CDH8: variants seen among roughly 807,000 people sequenced by gnomAD.
The protein encoded by CDH8 is cadherin-8.
In CDH8, 17 loss-of-function variants were observed where a neutral mutation model predicts 68.1. That is an observed-to-expected ratio of 0.25 (90% CI 0.17 to 0.37). CDH8 has a LOEUF of 0.37. CDH8 is among the 10% of genes least tolerant of loss of function. CDH8 has a pLI of 1.00. For synonymous variants in CDH8, 372 were observed against 365.1 expected (o/e 1.02, Z -0.21); for missense variants, 763 against 999.3 (o/e 0.76, Z 3.19).
chr16:62,002,792 G>A (rs747890733), intron 2 of CDH8, among the ~76,000 whole-genome samples: 1 of 152,156 alleles, frequency 6.6e-6, no homozygotes, highest in Non-Finnish European at 1.5e-5. Flanking sequence ...GGTGGCTCAC[G>A]CCTGTAATCC....
intron 2 of CDH8, among the ~76,000 whole-genome samples, chr16:62,003,634 A>G (rs996387858): frequency 1.1e-4 from 17 of 152,206 alleles, no homozygotes; most frequent in South Asian, 2.1e-4. Flanking sequence ...ACAGAAGTCA[A>G]CCTACTGTGT....
At position 61,654,076 on chromosome 16, in the gene CDH8, T is replaced by C. The variant is rs1343197088; in HGVS notation, c.1932A>G (p.Leu644=). 19 of 1,613,798 alleles carry C rather than the reference T, an allele frequency of 1.2e-5. No individual in the cohort carries two copies. Among genetic ancestry groups the C allele is most frequent in the South Asian group, 2.2e-5 (2 of 91,068 alleles). Reference sequence around the variant, plus strand: ...TTAATGGTTCATTTTTATGCCGCCGTAGAGTTACAAACAGCACCACGATGA... The same window carrying C: ...TTAATGGTTCATTTTTATGCCGCCGCAGAGTTACAAACAGCACCACGATGA... ...LLVIVVLFVT[L]RRHKNEPLII... is the part of the protein sequence containing the mutation. The change falls in exon 12 of 12, where the codon CTA becomes CTG. Residue 644 remains leucine, a synonymous_variant. Coordinates refer to ENST00000577390, the MANE Select transcript of CDH8 (RefSeq NM_001796.5).
chr16:61,866,321 C>T (rs538956099), intron 3 of CDH8, among the ~76,000 whole-genome samples: 23 of 152,120 alleles, frequency 1.5e-4, no homozygotes, highest in African/African-American at 5.5e-4. Flanking sequence ...TACTATATGC[C>T]AAGCACCAAC....
At chr16:61,701,740 T>C (rs994733541) in intron 10 of CDH8, among the ~76,000 whole-genome samples, 6 of 152,220 alleles carry the variant, frequency 3.9e-5, no homozygotes, top group African/African-American at 1.4e-4. Flanking sequence ...GCAATTTTTT[T>C]CACCAAAGGG....
intron 10 of CDH8, among the ~76,000 whole-genome samples, chr16:61,669,586 C>G (rs1459818850): frequency 6.6e-6 from 1 of 151,956 alleles, no homozygotes; most frequent in African/African-American, 2.4e-5. Flanking sequence ...AACTTCTTAC[C>G]CAGAAGGAGA....
intron 1 of CDH8, among the ~76,000 whole-genome samples, chr16:62,023,002 TG>T (rs1490697343): frequency 6.6e-6 from 1 of 152,154 alleles, no homozygotes; most frequent in Non-Finnish European, 1.5e-5. Context: ...CAGCTTTCAA[TG>T]GGGAGCCAAT....
chr16:61,748,327 C>T (rs920768767), intron 8 of CDH8, among the ~76,000 whole-genome samples: 1 of 151,968 alleles, frequency 6.6e-6, no homozygotes, highest in Admixed American at 6.6e-5. Context: ...GAGAAAGTGG[C>T]ATGATTATTC....
At chr16:62,033,011 T>G (rs1902364442) in intron 1 of CDH8, among the ~76,000 whole-genome samples, 1 of 152,204 alleles carries the variant, frequency 6.6e-6, no homozygotes, top group Admixed American at 6.5e-5. Context: ...AGAGGTACAA[T>G]TTCTTGAATA....
At chr16:61,709,690 G>A (rs3924750) in intron 10 of CDH8, among the ~76,000 whole-genome samples, 27,306 of 151,720 alleles carry the variant, frequency 0.18, 2,800 homozygotes, top group Middle Eastern at 0.25. Context: ...CCATTGTGTG[G>A]AGAAACCTGA....
chr16:61,905,302 C>G (rs930027625), intron 2 of CDH8, among the ~76,000 whole-genome samples: 1 of 152,120 alleles, frequency 6.6e-6, no homozygotes, highest in African/African-American at 2.4e-5. Context: ...TAGGGAGACA[C>G]AGACAAAGTC....
chr16:61,833,815 T>A (rs1344791486), intron 4 of CDH8, among the ~76,000 whole-genome samples: 1 of 151,908 alleles, frequency 6.6e-6, no homozygotes, highest in Non-Finnish European at 1.5e-5. Context: ...AGCTCTGATG[T>A]CTCAGCTGCC....
chr16:61,970,619 C>T (rs888665143), intron 2 of CDH8, among the ~76,000 whole-genome samples: 3 of 152,328 alleles, frequency 2.0e-5, no homozygotes, highest in South Asian at 4.1e-4. Flanking sequence ...GCTTCTGTGA[C>T]CAAATGCATG....
At chr16:61,966,416 T>C (rs1965253218) in intron 2 of CDH8, among the ~76,000 whole-genome samples, 1 of 152,092 alleles carries the variant, frequency 6.6e-6, no homozygotes, top group Non-Finnish European at 1.5e-5. Flanking sequence ...TGTTCGCCTG[T>C]AGTCCCAGCT....
intron 7 of CDH8, among the ~76,000 whole-genome samples, chr16:61,798,377 C>T (rs1961545274): frequency 6.6e-6 from 1 of 152,084 alleles, no homozygotes; most frequent in African/African-American, 2.4e-5. Context: ...ATGATCTAAA[C>T]CACAGCTGAA....
intron 2 of CDH8, among the ~76,000 whole-genome samples, chr16:61,988,951 C>A (rs1389730043): frequency 6.6e-6 from 1 of 152,054 alleles, no homozygotes; most frequent in Non-Finnish European, 1.5e-5. Flanking sequence ...AAGGAACTGG[C>A]TTTTTTGGCA....
intron 8 of CDH8, among the ~76,000 whole-genome samples, chr16:61,740,316 G>T (rs2142922237): frequency 6.6e-6 from 1 of 151,980 alleles, no homozygotes; most frequent in East Asian, 1.9e-4. Context: ...TTTTTTCAGT[G>T]AATTCATGTT....
At chr16:61,950,195 G>C (rs1239529525) in intron 2 of CDH8, among the ~76,000 whole-genome samples, 1 of 152,134 alleles carries the variant, frequency 6.6e-6, no homozygotes, top group Non-Finnish European at 1.5e-5. Flanking sequence ...AAGTGATACA[G>C]GTTGTAATAC....
At chr16:61,753,002 G>T (rs544347551) in intron 8 of CDH8, among the ~76,000 whole-genome samples, 2 of 152,252 alleles carry the variant, frequency 1.3e-5, no homozygotes, top group East Asian at 3.9e-4. Context: ...GATACGACAA[G>T]ATATTTAAGG....
intron 2 of CDH8, among the ~76,000 whole-genome samples, chr16:62,018,460 C>T (rs1033021007): frequency 7.2e-5 from 11 of 152,104 alleles, no homozygotes; most frequent in African/African-American, 1.9e-4. Context: ...TTTAAAGAGT[C>T]GGATGTGGAA....
Sources: gnomAD v4.1 joint callset for allele counts (sites outside exome capture counted in the v4.1 genomes callset) on GRCh38, gnomAD v4.1.1 for gene constraint, MANE v1.5 for transcripts, NCBI Gene and HGNC (gene_info 2026-07-23, HGNC 2026-07-21) for gene names.